PRKG1: variants seen among roughly 807,000 people sequenced by gnomAD.
PRKG1 encodes protein kinase cGMP-dependent 1.
In PRKG1, 35 loss-of-function variants were observed where a neutral mutation model predicts 88.1. The observed-to-expected ratio is 0.40, with a 90% CI of 0.30 to 0.53. The LOEUF is 0.53. Among genes scored for constraint, PRKG1 ranks in the 20% least tolerant of loss-of-function variants. PRKG1 has a pLI of 0.59. For synonymous variants in PRKG1, 303 were observed against 292.5 expected (o/e 1.04, Z -0.37); for missense variants, 540 against 839.8 (o/e 0.64, Z 4.41).
chr10:51,353,894 C>T (rs927147524), intron 2 of PRKG1, among the ~76,000 whole-genome samples: 71 of 152,302 alleles, frequency 4.7e-4, no homozygotes, highest in Non-Finnish European at 5.4e-4. Flanking sequence ...TTGTGTTCAT[C>T]AACAGATGAA....
chr10:52,234,091 G>T (rs1840610621), intron 9 of PRKG1, among the ~76,000 whole-genome samples: 2 of 152,130 alleles, frequency 1.3e-5, no homozygotes, highest in Admixed American at 1.3e-4. Flanking sequence ...CAACAGACCT[G>T]CAGCTGAGGG....
At position 51,355,606 on chromosome 10, in the gene PRKG1, G is replaced by A. The variant is rs764639071; in HGVS notation, c.479-112117G>A. Among the ~76,000 whole-genome samples the A allele has an allele frequency of 2.6e-5, 4 of 151,904 alleles. No individual in the cohort carries two copies. The East Asian group carries it at 5.8e-4, about 22-fold the overall frequency. ...GATGTAACCATCGCGATAACTTAGC[G>A]TGTTTGACAGGTCCTCCCTACCTCT... On this transcript the variant is annotated intron_variant, in intron 2 of 17. Coordinates refer to ENST00000373980, the MANE Select transcript of PRKG1 (RefSeq NM_006258.4).
chr10:51,426,809 G>A (rs1270041428), intron 2 of PRKG1, among the ~76,000 whole-genome samples: 2 of 152,280 alleles, frequency 1.3e-5, no homozygotes, highest in Admixed American at 6.5e-5. Flanking sequence ...TTCTGAGCAC[G>A]TATAAAAATA....
chr10:51,865,670 T>G (rs924549351), intron 4 of PRKG1, among the ~76,000 whole-genome samples: 1 of 152,046 alleles, frequency 6.6e-6, no homozygotes, highest in African/African-American at 2.4e-5. Context: ...TAAAGTAATG[T>G]ACATGCTTGG....
intron 9 of PRKG1, among the ~76,000 whole-genome samples, chr10:52,199,424 G>T (rs1200290146): frequency 1.3e-5 from 2 of 151,974 alleles, no homozygotes; most frequent in East Asian, 3.9e-4. Flanking sequence ...CTCCTAAATT[G>T]GCTGCCCTGG....
intron 2 of PRKG1, among the ~76,000 whole-genome samples, chr10:51,268,313 T>A (rs1027390994): frequency 6.6e-6 from 1 of 152,100 alleles, no homozygotes; most frequent in Non-Finnish European, 1.5e-5. Context: ...GAGCAACTGG[T>A]CTGACCACAA....
At chr10:51,907,617 CT>C in intron 5 of PRKG1, 47 bp downstream of exon 5, 3 of 1,494,830 alleles carry the variant, frequency 2.0e-6, no homozygotes, top group Non-Finnish European at 2.8e-6. Flanking sequence ...ATCCAGCCTG[CT>C]TGGCTGGCTT....
At chr10:51,494,627 C>T (rs2132878275) in intron 3 of PRKG1, among the ~76,000 whole-genome samples, 1 of 152,290 alleles carries the variant, frequency 6.6e-6, no homozygotes, top group South Asian at 2.1e-4. Context: ...CTATAACTTA[C>T]TCACTAGTTA....
chr10:52,246,040 T>A (rs1447493364), intron 9 of PRKG1, among the ~76,000 whole-genome samples: 2 of 152,098 alleles, frequency 1.3e-5, no homozygotes, highest in African/African-American at 4.8e-5. Context: ...AAAGTAAAAT[T>A]CTGAGTTTCA....
At chr10:51,165,738 G>A (rs1049279943) in intron 2 of PRKG1, among the ~76,000 whole-genome samples, 1 of 152,142 alleles carries the variant, frequency 6.6e-6, no homozygotes, top group South Asian at 2.1e-4. Context: ...AAAGGCAGGG[G>A]TTGCAATCCA....
At chr10:51,856,800 C>T (rs937844430) in intron 4 of PRKG1, among the ~76,000 whole-genome samples, 2 of 151,360 alleles carry the variant, frequency 1.3e-5, no homozygotes, top group African/African-American at 4.9e-5. Context: ...CCCGTCTCTA[C>T]TACAAATACA....
At chr10:51,373,330 A>G (rs1055052116) in intron 2 of PRKG1, among the ~76,000 whole-genome samples, 8 of 152,252 alleles carry the variant, frequency 5.3e-5, no homozygotes, top group Non-Finnish European at 1.0e-4. Context: ...TGGGTCTCTC[A>G]GAAAACTGCA....
chr10:51,698,471 TGATGGGGTGGACCCA>T, intron 3 of PRKG1: 1 of 1,614,108 alleles, frequency 6.2e-7, no homozygotes, highest in Non-Finnish European at 8.5e-7. Context: ...GGGGGGACCC[TGATGGGGTGGACCCA>T]GATAACCTCT....
Position 51,969,850 on chromosome 10 carries a change from A to G in PRKG1, c.762+62280A>G, listed in dbSNP as rs551362236. Among the ~76,000 whole-genome samples, 31 of 152,108 alleles carry G rather than the reference A, an allele frequency of 2.0e-4. No homozygotes were observed. In the South Asian group the frequency reaches 6.4e-3, roughly 32 times the overall value. On this transcript the variant is annotated intron_variant, in intron 5 of 17. Coordinates refer to ENST00000373980, the MANE Select transcript of PRKG1 (RefSeq NM_006258.4). ...ATTAGCACCATTTCTTTTTTCTTAA[A>G]AAAGTCCTCTTTATTTGGAATTGAT...
At chr10:51,085,914 C>T (rs980669230) in intron 1 of PRKG1, among the ~76,000 whole-genome samples, 2 of 151,988 alleles carry the variant, frequency 1.3e-5, no homozygotes, top group African/African-American at 4.8e-5. Flanking sequence ...GAATTTTATC[C>T]TTGGTCAGGA....
intron 5 of PRKG1, among the ~76,000 whole-genome samples, chr10:51,983,459 G>A (rs1156423960): frequency 6.6e-6 from 1 of 152,176 alleles, no homozygotes; most frequent in Non-Finnish European, 1.5e-5. Context: ...ACCTGAGGCT[G>A]CACTGTAAGC....
intron 9 of PRKG1, among the ~76,000 whole-genome samples, chr10:52,223,120 A>C (rs895105314): frequency 1.3e-5 from 2 of 152,216 alleles, no homozygotes; most frequent in South Asian, 2.1e-4. Flanking sequence ...TACCAACCAA[A>C]CAAACAAAAA....
chr10:51,786,648 T>A (rs1343420046), intron 3 of PRKG1, among the ~76,000 whole-genome samples: 1 of 152,166 alleles, frequency 6.6e-6, no homozygotes, highest in East Asian at 1.9e-4. Context: ...TCTCTTCTAC[T>A]AAACCATTGC....
At chr10:51,204,575 G>C (rs1020495183) in intron 2 of PRKG1, among the ~76,000 whole-genome samples, 1 of 152,032 alleles carries the variant, frequency 6.6e-6, no homozygotes, top group Admixed American at 6.6e-5. Flanking sequence ...CCCTGCTGCC[G>C]GTAGACTAGA....
Sources: allele counts gnomAD v4.1 joint callset (sites outside exome capture counted in the v4.1 genomes callset), GRCh38; gene constraint gnomAD v4.1.1; transcripts MANE v1.5; gene names NCBI Gene and HGNC (gene_info 2026-07-23, HGNC 2026-07-21).